The following AP1G1 variants were observed in gnomAD, a reference collection of about 807,000 sequenced individuals.
AP1G1 encodes AP-1 complex subunit gamma-1.
In AP1G1, 7 loss-of-function variants were observed where a neutral mutation model predicts 108.3. The ratio of observed to expected loss-of-function variants is 0.06; its 90% confidence interval spans 0.04 to 0.12. The LOEUF (loss-of-function observed/expected upper bound fraction) is 0.12, where lower values mean the gene tolerates loss of function less well. AP1G1 is among the 10% of genes least tolerant of loss of function. The pLI is 1.00. For missense variants in AP1G1, 756 were observed against 1,010.7 expected (o/e 0.75, Z 3.42); for synonymous variants, 379 against 353.5 (o/e 1.07, Z -0.81).
intron 3 of AP1G1, 131 bp downstream of exon 3, chr16:71,774,337 G>A (rs558200066): frequency 1.1e-6 from 1 of 893,644 alleles, no homozygotes; most frequent in African/African-American, 1.8e-5. Context: ...GGCAGCGGAG[G>A]AGGATGCAGT....
chr16:71,795,009 A>T (rs1342976838), intron 1 of AP1G1, among the ~76,000 whole-genome samples: 4 of 152,068 alleles, frequency 2.6e-5, no homozygotes, highest in East Asian at 1.9e-4. Flanking sequence ...AAATATCTTT[A>T]AAAAAATTGA....
chr16:71,738,551 T>C (rs974696600), intron 21 of AP1G1, among the ~76,000 whole-genome samples: 3 of 152,178 alleles, frequency 2.0e-5, no homozygotes, highest in Admixed American at 6.5e-5. Flanking sequence ...TAGAAGATAA[T>C]ACCAGATAGA....
intron 2 of AP1G1, among the ~76,000 whole-genome samples, chr16:71,779,939 C>A (rs1041991967): frequency 6.6e-6 from 1 of 151,400 alleles, no homozygotes; most frequent in Non-Finnish European, 1.5e-5. Context: ...GGCAACCCAG[C>A]AAGACCCCAT....
intron 15 of AP1G1, 83 bp from the exon 16 acceptor site, chr16:71,748,461 C>G: frequency 6.9e-7 from 1 of 1,459,464 alleles, no homozygotes; most frequent in Non-Finnish European, 9.2e-7. Context: ...TCAGGGGAAG[C>G]AGCCAGAAAG....
At chr16:71,775,106 A>T (rs1443570847) in intron 2 of AP1G1, among the ~76,000 whole-genome samples, 1 of 140,140 alleles carries the variant, frequency 7.1e-6, no homozygotes, top group Non-Finnish European at 1.5e-5. Flanking sequence ...AGCTTACTGC[A>T]ACCTCCACCT....
chr16:71,766,201 C>T (rs555894412), intron 6 of AP1G1, among the ~76,000 whole-genome samples: 9 of 152,188 alleles, frequency 5.9e-5, no homozygotes, highest in African/African-American at 1.9e-4. Flanking sequence ...GACATCAAGG[C>T]CATGAATAAT....
At position 71,782,287 on chromosome 16, in the gene AP1G1, C is replaced by T. The variant is rs563721470; in HGVS notation, c.201+6992G>A. 3.3e-4 allele frequency among the ~76,000 whole-genome samples: 50 copies of T among 151,942 alleles called. 1 individual carries two copies. Among genetic ancestry groups the T allele is most frequent in the African/African-American group, 1.2e-3 (48 of 41,430 alleles). ...CAAGTGATTCTCAAGCCTCAGCCTC[C>T]GGAATACCTGGGATTACAGGTATCT... On this transcript the variant is annotated intron_variant, in intron 2 of 22. Coordinates refer to ENST00000299980, the MANE Select transcript of AP1G1 (RefSeq NM_001128.6).
At chr16:71,753,959 CCCAA>C in intron 12 of AP1G1, 72 bp from the exon 13 acceptor site, 1 of 1,447,846 alleles carries the variant, frequency 6.9e-7, no homozygotes, top group Non-Finnish European at 9.7e-7. Context: ...GAAAATCCTG[CCCAA>C]GCAGGGTGAC....
Position 71,745,621 on chromosome 16 carries a change from G to C in AP1G1, c.1731-7C>G, listed in dbSNP as rs762079790. The C allele has an allele frequency of 6.2e-7, 1 of 1,612,956 alleles. No homozygotes were observed. The highest frequency in any genetic ancestry group is 1.7e-5 in the Admixed American group (1 of 60,020). On this transcript the variant is annotated splice_region_variant and splice_polypyrimidine_tract_variant and intron_variant, in intron 17 of 22. Coordinates refer to ENST00000299980, the MANE Select transcript of AP1G1 (RefSeq NM_001128.6). ...TCTCTCAAGTAGGGCAGACCTAGAAGAATCTGAAGTGGTTAAATTCTAGGC... is the reference window on the plus strand; with the variant it reads ...TCTCTCAAGTAGGGCAGACCTAGAACAATCTGAAGTGGTTAAATTCTAGGC...
intron 21 of AP1G1, among the ~76,000 whole-genome samples, chr16:71,737,052 C>T (rs2045559288): frequency 6.6e-6 from 1 of 152,092 alleles, no homozygotes; most frequent in African/African-American, 2.4e-5. Context: ...ATATACTGAG[C>T]ACTGAACAGA....
intron 11 of AP1G1, chr16:71,758,384 C>T (rs376752284): frequency 8.1e-5 from 42 of 516,976 alleles, no homozygotes; most frequent in African/African-American, 6.3e-4. Flanking sequence ...GATCCTGGGG[C>T]GTAAGTACTG....
intron 22 of AP1G1, among the ~76,000 whole-genome samples, chr16:71,733,651 C>A (rs1455202761): frequency 6.6e-6 from 1 of 152,130 alleles, no homozygotes; most frequent in Non-Finnish European, 1.5e-5. Context: ...CAGGCGTGAG[C>A]CACCATGGAG....
At chr16:71,743,076 G>A (rs2029953157) in intron 19 of AP1G1, 1 of 152,156 alleles carries the variant, frequency 6.6e-6, no homozygotes, top group Admixed American at 6.5e-5. Context: ...TAATTATGAA[G>A]GCTATATATA....
At chr16:71,737,790 A>C (rs2045568299) in intron 21 of AP1G1, among the ~76,000 whole-genome samples, 1 of 152,288 alleles carries the variant, frequency 6.6e-6, no homozygotes. Context: ...TGCCAAGATT[A>C]GGTTAGCTTA....
intron 21 of AP1G1, 145 bp from the exon 22 acceptor site, chr16:71,734,852 T>C (rs535890320): frequency 3.1e-6 from 2 of 642,214 alleles, no homozygotes; most frequent in South Asian, 3.8e-5. Context: ...GTTTTCTAGA[T>C]ATCAGGAATT....
intron 21 of AP1G1, among the ~76,000 whole-genome samples, chr16:71,738,049 C>CT (rs766749148): frequency 5.9e-5 from 9 of 152,072 alleles, no homozygotes; most frequent in African/African-American, 1.9e-4. Context: ...ATTTAGAACT[C>CT]TTTGTTTGTT....
rs1049750769 is a variant in AP1G1, at chr16:71,734,693, C to G, written c.2283G>C (p.Gln761His). The G allele has an allele frequency of 2.5e-6, 4 of 1,613,892 alleles. No individual in the cohort carries two copies. The South Asian group carries it at 3.3e-5, about 13-fold the overall frequency. Reference protein sequence around the residue: ...QAAVPKTFQLQLLSPSSSIVP... With the variant: ...QAAVPKTFQLHLLSPSSSIVP... ...CAATGCTGCTGCTAGGAGACAAGAG[C>G]TGCAGCTGGAATGTCTAGGGGGGAA... Residue 761 changes from glutamine to histidine, a missense_variant, in exon 22 of 23, where the codon CAG becomes CAC. Gln to His is a conservative substitution (Grantham distance 24). Around this residue, in one of 3 missense-constraint regions of AP1G1, gnomAD observed 95 missense variants for 160.5 expected, o/e 0.59. Transcript: ENST00000299980.
chr16:71,800,747 G>A (rs1167760676), intron 1 of AP1G1, among the ~76,000 whole-genome samples: 1 of 152,030 alleles, frequency 6.6e-6, no homozygotes, highest in African/African-American at 2.4e-5. Context: ...CTTGCAGTGA[G>A]CTGGGATCGC....
At chr16:71,777,921 A>G in intron 2 of AP1G1, 1 of 179,390 alleles carries the variant, frequency 5.6e-6, no homozygotes, top group Non-Finnish European at 1.2e-5. Context: ...TGAGACCAGA[A>G]CCTGGCATTG....
Sources: gnomAD v4.1 joint callset for allele counts (sites outside exome capture counted in the v4.1 genomes callset) on GRCh38, gnomAD v4.1.1 for gene constraint, gnomAD v4.1.1 regional missense constraint, MANE v1.5 for transcripts, NCBI Gene and HGNC (gene_info 2026-07-23, HGNC 2026-07-21) for gene names.